KYNU: variants seen among roughly 807,000 people sequenced by gnomAD.
KYNU encodes kynureninase, also known as L-kynurenine hydrolase.
Under a neutral mutation model 59.2 loss-of-function variants are expected in KYNU, and 54 were observed. That is an observed-to-expected ratio of 0.91 (90% CI 0.73 to 1.14). The LOEUF is 1.14. Ranked by LOEUF, KYNU falls within the 50% of genes most tolerant of loss-of-function variation. KYNU has a pLI of 0.00. For synonymous variants in KYNU, 177 were observed against 192.0 expected (o/e 0.92, Z 0.65); for missense variants, 567 against 554.4 (o/e 1.02, Z -0.23).
At position 143,049,332 on chromosome 2, in the gene KYNU, C is replaced by A. The variant is rs1687224245; in HGVS notation, c.*7160C>A. 6.6e-6 allele frequency: 1 copy of A among 152,080 alleles called. No homozygotes were observed. The highest frequency in any genetic ancestry group is 2.4e-5 in the African/African-American group (1 of 41,406). The allele number at this position is 152,080 out of a possible 1,614,324, so 9.4% of individuals were successfully genotyped here. On this transcript the variant is annotated 3_prime_UTR_variant, in exon 14 of 14. Transcript: ENST00000264170. ...GGCATTAGTAGTGGACATTCTGGTT[C>A]CCCATTGAGCTTCCCTGCATCAGCT...
rs796652678 is a variant in KYNU at position 143,016,693 on chromosome 2, G to T, written c.903-12934G>T. On this transcript the variant is annotated intron_variant, in intron 10 of 13. Transcript: ENST00000264170. ...GAAAATTAGAACTTTTTATAATTAT[G>T]ACTTTATGGTTTAGTTCCAGTTTGT... 1.1e-4 allele frequency among the ~76,000 whole-genome samples: 16 copies of T among 152,180 alleles called. 1 individual carries two copies. The highest frequency in any genetic ancestry group is 3.4e-3 in the Middle Eastern group (1 of 294).
At chr2:142,918,088 G>A (rs1339560036) in intron 2 of KYNU, among the ~76,000 whole-genome samples, 1 of 152,106 alleles carries the variant, frequency 6.6e-6, no homozygotes, top group Non-Finnish European at 1.5e-5. Context: ...CTATACATGT[G>A]TTAGTACTAT....
chr2:142,965,383 G>T (rs1444644812), intron 8 of KYNU, among the ~76,000 whole-genome samples: 3 of 152,078 alleles, frequency 2.0e-5, no homozygotes, highest in Non-Finnish European at 4.4e-5. Flanking sequence ...TCAGCTACAA[G>T]AAACAAATGT....
chr2:142,991,558 T>C (rs1056246307), intron 10 of KYNU, among the ~76,000 whole-genome samples: 1 of 151,926 alleles, frequency 6.6e-6, no homozygotes, highest in Admixed American at 6.6e-5. Context: ...CTACAACTTC[T>C]TGGCTTCTCA....
rs774104057 is a variant in KYNU at position 142,985,117 on chromosome 2, G to C, written c.763G>C (p.Val255Leu). 6.2e-7 allele frequency: 1 copy of C among 1,611,360 alleles called. No homozygotes were observed. Among genetic ancestry groups the C allele is most frequent in the South Asian group, 1.1e-5 (1 of 91,056 alleles). Residue 255 changes from valine (V) to leucine (L), a missense_variant, in exon 9 of 14, where the codon GTT becomes CTT. Transcript: ENST00000264170. ...TGTTGGCTTTGATCTAGCACATGCA[G>C]TTGGAAATGTTGAACTCTACTTACA... The part of the protein sequence containing the change: ...CYVGFDLAHA[V>L]GNVELYLHDW...
chr2:142,959,270 C>G (rs539646812), intron 7 of KYNU, among the ~76,000 whole-genome samples: 1 of 152,288 alleles, frequency 6.6e-6, no homozygotes, highest in African/African-American at 2.4e-5. Context: ...GCATTGACCT[C>G]AAAATCATGT....
At chr2:142,922,168 T>C (rs111409249) in intron 3 of KYNU, among the ~76,000 whole-genome samples, 3 of 152,270 alleles carry the variant, frequency 2.0e-5, no homozygotes, top group Non-Finnish European at 4.4e-5. Context: ...ACAATGCACA[T>C]TGAAAGTAGT....
chr2:142,902,273 A>C (rs916520166), intron 2 of KYNU, among the ~76,000 whole-genome samples: 2 of 152,210 alleles, frequency 1.3e-5, no homozygotes, highest in African/African-American at 2.4e-5. Flanking sequence ...GAACCTGTGT[A>C]AGGACTCCTG....
chr2:143,011,085 T>A (rs1437639824), intron 10 of KYNU, among the ~76,000 whole-genome samples: 1 of 145,760 alleles, frequency 6.9e-6, no homozygotes, highest in Non-Finnish European at 1.5e-5. Context: ...ACTAAAGAGC[T>A]TCTGCACAGC....
At chr2:142,922,188 G>A (rs896610587) in intron 3 of KYNU, among the ~76,000 whole-genome samples, 23 of 152,128 alleles carry the variant, frequency 1.5e-4, no homozygotes, top group African/African-American at 5.3e-4. Context: ...TTGCTTAGTT[G>A]AAAAAGATAA....
At chr2:142,934,229 C>T (rs187091488) in intron 4 of KYNU, among the ~76,000 whole-genome samples, 26 of 152,150 alleles carry the variant, frequency 1.7e-4, no homozygotes, top group African/African-American at 5.8e-4. Flanking sequence ...GTGATAGGAA[C>T]TGGGTGGGCT....
At chr2:142,968,862 A>G (rs1180182420) in intron 8 of KYNU, among the ~76,000 whole-genome samples, 1 of 152,096 alleles carries the variant, frequency 6.6e-6, no homozygotes, top group Non-Finnish European at 1.5e-5. Context: ...GCAATGAACC[A>G]AGATCACACC....
intron 12 of KYNU, among the ~76,000 whole-genome samples, chr2:143,034,719 A>C (rs1686844730): frequency 6.6e-6 from 1 of 152,192 alleles, no homozygotes; most frequent in Non-Finnish European, 1.5e-5. Flanking sequence ...ATGATATTTG[A>C]GTTGTTTTTA....
At chr2:142,964,404 A>G (rs935884585) in intron 8 of KYNU, among the ~76,000 whole-genome samples, 2 of 152,142 alleles carry the variant, frequency 1.3e-5, no homozygotes, top group African/African-American at 2.4e-5. Context: ...CTACCAGCAT[A>G]TATTAGACTT....
chr2:142,938,189 C>G (rs962352001), intron 4 of KYNU, among the ~76,000 whole-genome samples: 1 of 152,192 alleles, frequency 6.6e-6, no homozygotes, highest in Non-Finnish European at 1.5e-5. Context: ...TCATAAGTGA[C>G]TGCTTTTTGG....
At chr2:142,878,302 A>G (rs1460209405) in intron 1 of KYNU, among the ~76,000 whole-genome samples, 1 of 152,016 alleles carries the variant, frequency 6.6e-6, no homozygotes, top group East Asian at 1.9e-4. Context: ...TTTTGAGGCC[A>G]GTGGGGTGTT....
At chr2:142,918,812 G>T in intron 3 of KYNU, 83 bp downstream of exon 3, 1 of 1,452,858 alleles carries the variant, frequency 6.9e-7, no homozygotes, top group Non-Finnish European at 9.6e-7. Flanking sequence ...TATTTGGAAA[G>T]ATGTGTAATA....
At chr2:142,908,456 G>A (rs1389443888) in intron 2 of KYNU, among the ~76,000 whole-genome samples, 1 of 151,010 alleles carries the variant, frequency 6.6e-6, no homozygotes, top group Non-Finnish European at 1.5e-5. Flanking sequence ...TTAAATGCCA[G>A]GCCTCTGAAG....
At chr2:142,947,027 T>C (rs1683809515) in intron 4 of KYNU, 1 of 1,545,156 alleles carries the variant, frequency 6.5e-7, no homozygotes, top group Admixed American at 2.0e-5. Context: ...TACCCTTTTG[T>C]GGGCTGATTC....
Sources: gnomAD v4.1 joint callset for allele counts (sites outside exome capture counted in the v4.1 genomes callset) on GRCh38, gnomAD v4.1.1 for gene constraint, MANE v1.5 for transcripts, NCBI Gene and HGNC (gene_info 2026-07-23, HGNC 2026-07-21) for gene names.